RPH3A: variants seen among roughly 807,000 people sequenced by gnomAD.
The protein encoded by RPH3A is rabphilin-3A.
Under a neutral mutation model 102.2 loss-of-function variants are expected in RPH3A, and 48 were observed. The observed-to-expected ratio is 0.47, with a 90% CI of 0.37 to 0.60. The LOEUF (loss-of-function observed/expected upper bound fraction) is 0.60, where lower values mean the gene tolerates loss of function less well. Ranked by LOEUF, RPH3A falls within the 20% of genes least tolerant of loss-of-function variation. RPH3A has a pLI of 0.00. For missense variants in RPH3A, 781 were observed against 910.1 expected (o/e 0.86, Z 1.83); for synonymous variants, 310 against 324.3 (o/e 0.96, Z 0.47).
chr12:112,777,491 G>A (rs2040976048), intron 1 of RPH3A, among the ~76,000 whole-genome samples: 1 of 152,188 alleles, frequency 6.6e-6, no homozygotes, highest in South Asian at 2.1e-4. Context: ...AGCTGTCAAG[G>A]CAGCAAGGCA....
intron 1 of RPH3A, among the ~76,000 whole-genome samples, chr12:112,627,062 G>T (rs1221606094): frequency 9.7e-5 from 11 of 113,436 alleles, no homozygotes; most frequent in African/African-American, 3.3e-4. Context: ...ACTGTGGTGG[G>T]GTGGGGGGAG....
intron 1 of RPH3A, among the ~76,000 whole-genome samples, chr12:112,613,917 A>T (rs1269405684): frequency 6.6e-6 from 1 of 152,148 alleles, no homozygotes; most frequent in East Asian, 1.9e-4. Flanking sequence ...GCACTCTAGG[A>T]TGGGTGACAG....
chr12:112,596,101 A>G (rs1003738415), intron 1 of RPH3A, among the ~76,000 whole-genome samples: 2 of 152,328 alleles, frequency 1.3e-5, no homozygotes, highest in African/African-American at 4.8e-5. Context: ...TGAGAAAAGC[A>G]AGATAGATAA....
chr12:112,713,688 G>A (rs1251587416), intron 1 of RPH3A, among the ~76,000 whole-genome samples: 10 of 152,200 alleles, frequency 6.6e-5, no homozygotes. Flanking sequence ...AGCTGGCAGT[G>A]TCTGGCATAT....
chr12:112,642,468 A>C (rs1798480369), intron 1 of RPH3A, among the ~76,000 whole-genome samples: 1 of 152,228 alleles, frequency 6.6e-6, no homozygotes, highest in South Asian at 2.1e-4. Context: ...ACACACTTAC[A>C]CTAAAAAATT....
chr12:112,750,596 C>T (rs373930369), intron 1 of RPH3A, among the ~76,000 whole-genome samples: 1 of 152,240 alleles, frequency 6.6e-6, no homozygotes, highest in East Asian at 1.9e-4. Flanking sequence ...CAATAGGGTG[C>T]ACTGCAATGG....
chr12:112,711,511 G>A (rs2040461788), intron 1 of RPH3A, among the ~76,000 whole-genome samples: 1 of 152,318 alleles, frequency 6.6e-6, no homozygotes, highest in South Asian at 2.1e-4. Flanking sequence ...TTCTTGCAGT[G>A]TGTTGCATTA....
chr12:112,688,400 G>A (rs759389267), intron 1 of RPH3A, among the ~76,000 whole-genome samples: 1 of 152,206 alleles, frequency 6.6e-6, no homozygotes, highest in Non-Finnish European at 1.5e-5. Flanking sequence ...CAGAGGCTGG[G>A]AGGATCAGAA....
chr12:112,723,007 T>C (rs7310066), intron 1 of RPH3A, among the ~76,000 whole-genome samples: 15,673 of 152,254 alleles, frequency 0.1, 910 homozygotes, highest in Middle Eastern at 0.18. Flanking sequence ...AGAAGAACTA[T>C]GAGGATCAGT....
intron 3 of RPH3A, among the ~76,000 whole-genome samples, chr12:112,832,335 T>C (rs755956892): frequency 6.6e-6 from 1 of 152,240 alleles, no homozygotes; most frequent in Non-Finnish European, 1.5e-5. Flanking sequence ...TTTTAATATC[T>C]TCTTCACCAT....
intron 1 of RPH3A, among the ~76,000 whole-genome samples, chr12:112,721,033 G>T (rs7312122): frequency 6.6e-6 from 1 of 151,938 alleles, no homozygotes; most frequent in Non-Finnish European, 1.5e-5. Context: ...TTAAACTTTG[G>T]TTTCTCATCC....
Position 112,869,521 on chromosome 12 carries a change from T to C in RPH3A, c.611-238T>C, listed in dbSNP as rs2042668491. 7.6e-6 allele frequency: 4 copies of C among 523,080 alleles called. No homozygotes were observed. In the South Asian group the frequency reaches 8.2e-5, roughly 11 times the overall value. The allele number at this position is 523,080 out of a possible 1,614,324, so 32.4% of individuals were successfully genotyped here. A position where few individuals can be genotyped will look rare whatever the true frequency, so the allele number is the denominator to read the frequency against. On this transcript the variant is annotated intron_variant, in intron 8 of 21. Transcript: ENST00000389385. ...TAGTTCTTCTAGGCTGAGAAGGCTG[T>C]ATAGCATAATTGTTCTTTATAAAGC... is the stretch of plus-strand genomic sequence containing the variant.
intron 1 of RPH3A, among the ~76,000 whole-genome samples, chr12:112,603,661 G>A (rs1310434898): frequency 6.6e-6 from 1 of 152,124 alleles, no homozygotes; most frequent in Admixed American, 6.5e-5. Flanking sequence ...TTGTTCTCAA[G>A]ATATCGGGTT....
Position 112,890,986 on chromosome 12 carries a change from A to G in RPH3A, c.1758A>G (p.Ser586=), listed in dbSNP as rs369513895. The G allele has an allele frequency of 6.7e-5, 108 of 1,614,042 alleles. No individual in the cohort carries two copies. The highest frequency in any genetic ancestry group is 7.7e-5 in the Non-Finnish European group (91 of 1,180,024). The change falls in exon 19 of 22, where the codon TCA becomes TCG. Residue 586 remains serine, a synonymous_variant. Transcript: ENST00000389385. ...CTGCCATGGACGCTAATGGCTACTCAGACCCATTCGTCAAGCTGTAAGTCA... is the reference window on the plus strand; with the variant it reads ...CTGCCATGGACGCTAATGGCTACTCGGACCCATTCGTCAAGCTGTAAGTCA... ...HLAAMDANGY[S]DPFVKLWLKP... is the part of the protein sequence containing the mutation.
chr12:112,653,746 T>C (rs2039992696), intron 1 of RPH3A, among the ~76,000 whole-genome samples: 1 of 152,198 alleles, frequency 6.6e-6, no homozygotes. Context: ...CCAATAGTTA[T>C]CTTTAATCTT....
chr12:112,838,520 A>G (rs1343478307), intron 4 of RPH3A, among the ~76,000 whole-genome samples: 1 of 152,200 alleles, frequency 6.6e-6, no homozygotes, highest in Non-Finnish European at 1.5e-5. Flanking sequence ...TCACTGTGCT[A>G]TAAAGAGACT....
intron 1 of RPH3A, among the ~76,000 whole-genome samples, chr12:112,673,998 A>G (rs1008334408): frequency 3.7e-4 from 56 of 152,192 alleles, no homozygotes; most frequent in Non-Finnish European, 2.1e-4. Flanking sequence ...GTTTCAAGCG[A>G]TCCTCCCACC....
intron 1 of RPH3A, among the ~76,000 whole-genome samples, chr12:112,720,710 A>G (rs2040544730): frequency 6.6e-6 from 1 of 152,192 alleles, no homozygotes; most frequent in Non-Finnish European, 1.5e-5. Context: ...GGCAAAATTT[A>G]AAGAAGGCAA....
In RPH3A at chr12:112,691,317, C is replaced by A. The variant is rs146505780; in HGVS notation, c.-139-100826C>A. Among the ~76,000 whole-genome samples the A allele has an allele frequency of 2.1e-3, 322 of 152,160 alleles. 6 individuals are homozygous for A. The highest frequency in any genetic ancestry group is 7.4e-3 in the African/African-American group (308 of 41,484). On this transcript the variant is annotated intron_variant, in intron 1 of 21. Coordinates refer to the RPH3A transcript ENST00000543106. ...GTGAGCCACCGCGCCCAGCCTTGAC[C>A]ATCTTTCAGTGTAAAAAAAAGCCCA...
Sources: allele counts gnomAD v4.1 joint callset (sites outside exome capture counted in the v4.1 genomes callset), GRCh38; gene constraint gnomAD v4.1.1; transcripts MANE v1.5; gene names NCBI Gene and HGNC (gene_info 2026-07-23, HGNC 2026-07-21).